PDGFD: variants seen among roughly 807,000 people sequenced by gnomAD.
PDGFD encodes platelet-derived growth factor D.
A neutral mutation model predicts 44.7 loss-of-function variants in PDGFD; 30 were observed. The observed-to-expected ratio is 0.67, with a 90% CI of 0.50 to 0.91. The LOEUF (loss-of-function observed/expected upper bound fraction) is 0.91, where lower values mean the gene tolerates loss of function less well. Ranked by LOEUF, PDGFD falls within the 40% of genes least tolerant of loss-of-function variation. PDGFD has a pLI of 0.00. For missense variants in PDGFD, 445 were observed against 457.8 expected (o/e 0.97, Z 0.25); for synonymous variants, 173 against 168.4 (o/e 1.03, Z -0.21).
At chr11:103,914,851 T>C (rs527642550) in intron 6 of PDGFD, among the ~76,000 whole-genome samples, 2 of 152,322 alleles carry the variant, frequency 1.3e-5, no homozygotes, top group East Asian at 1.9e-4. Flanking sequence ...AAAAACCACA[T>C]GATTATCTCA....
At chr11:103,961,249 G>A (rs754129057) in intron 3 of PDGFD, among the ~76,000 whole-genome samples, 7 of 152,156 alleles carry the variant, frequency 4.6e-5, no homozygotes, top group Non-Finnish European at 8.8e-5. Flanking sequence ...GATGAGTAAT[G>A]TAAAGTCATA....
chr11:104,049,176 A>G (rs1173185074), intron 1 of PDGFD, among the ~76,000 whole-genome samples: 1 of 152,200 alleles, frequency 6.6e-6, no homozygotes, highest in Non-Finnish European at 1.5e-5. Context: ...AGGATAAAGC[A>G]CTGTTCAGGA....
At chr11:104,133,330 T>G (rs1741216211) in intron 1 of PDGFD, among the ~76,000 whole-genome samples, 1 of 152,182 alleles carries the variant, frequency 6.6e-6, no homozygotes, top group African/African-American at 2.4e-5. Context: ...GAGTTTGGCA[T>G]GATTTTTATA....
At chr11:104,062,890 T>C (rs1257706566) in intron 1 of PDGFD, among the ~76,000 whole-genome samples, 1 of 152,226 alleles carries the variant, frequency 6.6e-6, no homozygotes, top group Non-Finnish European at 1.5e-5. Context: ...CTGTCAGTGC[T>C]ATTAATTTTA....
chr11:104,135,049 G>A (rs1374930863), intron 1 of PDGFD, among the ~76,000 whole-genome samples: 1 of 152,200 alleles, frequency 6.6e-6, no homozygotes, highest in African/African-American at 2.4e-5. Flanking sequence ...AGGGGCTACA[G>A]TTAGTCCCTC....
intron 1 of PDGFD, among the ~76,000 whole-genome samples, chr11:104,155,474 T>A (rs561781157): frequency 1.3e-5 from 2 of 152,334 alleles, no homozygotes; most frequent in East Asian, 3.9e-4. Context: ...GCAGGAAAAC[T>A]ACTAGCTGTC....
rs1262504151 is a variant in PDGFD, at chr11:104,052,485, ATATT to A, written c.125-52234_125-52231del. Among the ~76,000 whole-genome samples the A allele has an allele frequency of 2.0e-5, 3 of 152,242 alleles. No homozygotes were observed. The East Asian group carries it at 5.8e-4, about 29-fold the overall frequency. On this transcript the variant is annotated intron_variant, in intron 1 of 6. Transcript: ENST00000393158. ...GATATTCACTAATGAGATATAGTAA[ATATT>A]TATTAATTATTGATGAGCTGGAAGG... is the stretch of plus-strand genomic sequence containing the variant.
At chr11:104,084,520 T>G (rs1375233041) in intron 1 of PDGFD, among the ~76,000 whole-genome samples, 1 of 151,834 alleles carries the variant, frequency 6.6e-6, no homozygotes, top group Non-Finnish European at 1.5e-5. Flanking sequence ...CTGAAAGGCA[T>G]GCAGGTGGTA....
intron 1 of PDGFD, among the ~76,000 whole-genome samples, chr11:104,126,686 A>G (rs1861845868): frequency 6.6e-6 from 1 of 152,140 alleles, no homozygotes; most frequent in East Asian, 1.9e-4. Flanking sequence ...TATAACTGAC[A>G]TGCTCACATC....
chr11:104,161,432 T>C (rs7943011), intron 1 of PDGFD, among the ~76,000 whole-genome samples: 48,762 of 152,044 alleles, frequency 0.32, 7,899 homozygotes, highest in Middle Eastern at 0.37. Context: ...TTATACTTTC[T>C]CTCTGTCAGC....
At chr11:104,087,365 C>G (rs1391601593) in intron 1 of PDGFD, among the ~76,000 whole-genome samples, 1 of 151,874 alleles carries the variant, frequency 6.6e-6, no homozygotes, top group East Asian at 1.9e-4. Flanking sequence ...CCTGCCACCA[C>G]GCCTGCCTAA....
chr11:104,030,466 C>T (rs1220258732), intron 1 of PDGFD, among the ~76,000 whole-genome samples: 1 of 152,202 alleles, frequency 6.6e-6, no homozygotes, highest in Non-Finnish European at 1.5e-5. Flanking sequence ...ACTCAGATTT[C>T]AACTCAGGGC....
chr11:104,024,097 G>T (rs951123203), intron 1 of PDGFD, among the ~76,000 whole-genome samples: 1 of 152,076 alleles, frequency 6.6e-6, no homozygotes, highest in Non-Finnish European at 1.5e-5. Context: ...GACTGAAGAG[G>T]TGCTTTCCTT....
At chr11:103,981,444 T>C (rs1434504532) in intron 3 of PDGFD, among the ~76,000 whole-genome samples, 1 of 151,676 alleles carries the variant, frequency 6.6e-6, no homozygotes, top group East Asian at 1.9e-4. Flanking sequence ...CCGAAGACAT[T>C]TAATGGTAAT....
chr11:104,152,659 GT>G (rs1862262229), intron 1 of PDGFD, among the ~76,000 whole-genome samples: 1 of 151,872 alleles, frequency 6.6e-6, no homozygotes, highest in African/African-American at 2.4e-5. Flanking sequence ...AGTGTTTTTT[GT>G]TTTTGTTTTT....
chr11:103,916,271 G>A (rs1469458301), intron 6 of PDGFD, among the ~76,000 whole-genome samples: 4 of 152,084 alleles, frequency 2.6e-5, no homozygotes, highest in Non-Finnish European at 5.9e-5. Flanking sequence ...TCAAAATATG[G>A]GCAAAGGATA....
Position 104,038,049 on chromosome 11 carries a change from C to T in PDGFD, c.125-37794G>A, listed in dbSNP as rs1251586286. ...AAATATGTTACCACCTTGAGGGAGC[C>T]TCAGGTCCCCGGCAATTATAAGTTA... On this transcript the variant is annotated intron_variant, in intron 1 of 6. Coordinates refer to ENST00000393158, the MANE Select transcript of PDGFD (RefSeq NM_025208.5). 6 of 1,559,496 alleles carry T rather than the reference C, an allele frequency of 3.8e-6. No individual in the cohort carries two copies. The Admixed American group carries it at 9.4e-5, about 24-fold the overall frequency.
At chr11:104,134,417 A>G (rs191057108) in intron 1 of PDGFD, among the ~76,000 whole-genome samples, 2 of 152,326 alleles carry the variant, frequency 1.3e-5, no homozygotes, top group South Asian at 2.1e-4. Flanking sequence ...TCACATATAC[A>G]AAATGGAATT....
chr11:104,131,109 G>C (rs886618474), intron 1 of PDGFD, among the ~76,000 whole-genome samples: 1 of 152,116 alleles, frequency 6.6e-6, no homozygotes, highest in Non-Finnish European at 1.5e-5. Context: ...TGAAGTTGTA[G>C]TCAGTCTTTC....
Sources: allele counts gnomAD v4.1 joint callset (sites outside exome capture counted in the v4.1 genomes callset), GRCh38; gene constraint gnomAD v4.1.1; transcripts MANE v1.5; gene names NCBI Gene and HGNC (gene_info 2026-07-23, HGNC 2026-07-21).